Variants in ELOVL2 observed in about 807,000 individuals in gnomAD.
ELOVL2 encodes the protein very long chain fatty acid elongase 2.
A neutral mutation model predicts 37.7 loss-of-function variants in ELOVL2; 38 were observed. The observed-to-expected ratio is 1.01, with a 90% CI of 0.78 to 1.32. The LOEUF (loss-of-function observed/expected upper bound fraction) is 1.32, where lower values mean the gene tolerates loss of function less well. Among genes scored for constraint, ELOVL2 ranks in the 40% most tolerant of loss-of-function variants. The pLI, the probability that ELOVL2 is intolerant of heterozygous loss-of-function variation, is 0.00. For synonymous variants in ELOVL2, 115 were observed against 122.3 expected, an observed-to-expected ratio of 0.94 and a Z score of 0.40; for missense variants, 352 against 363.6, an observed-to-expected ratio of 0.97 and a Z score of 0.26.
chr6:10,987,538 G>A (rs918156766), intron 7 of ELOVL2, among the ~76,000 whole-genome samples: 1 of 151,970 alleles, frequency 6.6e-6, no homozygotes, highest in African/African-American at 2.4e-5. Context: ...CAAAGATTCT[G>A]GTATGTTGTA....
At chr6:11,010,839 T>C (rs777184811) in intron 1 of ELOVL2, 30 bp from the exon 2 acceptor site, 1 of 1,567,618 alleles carries the variant, frequency 6.4e-7, no homozygotes, top group Non-Finnish European at 8.7e-7. Flanking sequence ...ATGATTTAAG[T>C]GTTTTTTTCT....
chr6:11,026,918 G>A lies in ELOVL2; in HGVS notation c.4-16109C>T, dbSNP rs928552915. Among the ~76,000 whole-genome samples, 4 of 152,126 alleles carry A rather than the reference G, an allele frequency of 2.6e-5. No homozygotes were observed. The East Asian group carries it at 7.7e-4, about 29-fold the overall frequency. On this transcript the variant is annotated intron_variant, in intron 1 of 7. Transcript: ENST00000354666. ...TATTTATTTATGGTGCATATGATGT[G>A]AAATATGCATACAGTGTGGAATGGT... is the stretch of plus-strand genomic sequence containing the variant.
At chr6:11,028,455 C>G (rs1434654057) in intron 1 of ELOVL2, among the ~76,000 whole-genome samples, 1 of 152,080 alleles carries the variant, frequency 6.6e-6, no homozygotes, top group Admixed American at 6.6e-5. Flanking sequence ...GAAACTGTCT[C>G]CATCAGAAGA....
intron 3 of ELOVL2, among the ~76,000 whole-genome samples, chr6:11,003,134 C>T (rs746626888): frequency 1.0e-3 from 158 of 152,186 alleles, no homozygotes; most frequent in Non-Finnish European, 3.2e-4. Flanking sequence ...TCTGCTGCTG[C>T]TGTCACTTCT....
In ELOVL2 at chr6:11,044,266, G is replaced by C. The variant is rs1783171626; in HGVS notation, c.-36C>G. On this transcript the variant is annotated 5_prime_UTR_variant, in exon 1 of 8. Transcript: ENST00000354666. The surrounding 1 kb of genome is among the most constrained non-coding windows in gnomAD (Gnocchi z 5.6). The stretch of plus-strand genomic sequence containing the variant: ...GGCTGTGGCGCGGCGACCCGGGCGG[G>C]CGGCGATGCGCTGTCCAGGGTAGCC... 1.4e-5 allele frequency: 18 copies of C among 1,320,206 alleles called. No individual in the cohort carries two copies. The highest frequency in any genetic ancestry group is 1.5e-5 in the Non-Finnish European group (16 of 1,037,316). 81.8% of individuals were successfully genotyped at this position (1,320,206 alleles called of 1,614,324 possible).
chr6:10,989,345 TATGTA>T (rs1176467427), intron 7 of ELOVL2, among the ~76,000 whole-genome samples: 2 of 152,186 alleles, frequency 1.3e-5, no homozygotes, highest in Admixed American at 1.3e-4. Flanking sequence ...ATTAAACAAA[TATGTA>T]ATGTAAAAGT....
At chr6:10,984,007 G>T in intron 7 of ELOVL2, 101 bp from the exon 8 acceptor site, 1 of 1,140,596 alleles carries the variant, frequency 8.8e-7, no homozygotes, top group South Asian at 1.8e-5. Context: ...GATTTTGTTG[G>T]GCGCAGGATT....
intron 3 of ELOVL2, among the ~76,000 whole-genome samples, chr6:11,002,532 A>G (rs895284896): frequency 6.6e-6 from 1 of 152,196 alleles, no homozygotes; most frequent in South Asian, 2.1e-4. Flanking sequence ...CTGGGTGGCA[A>G]TCAATGGTAG....
intron 2 of ELOVL2, among the ~76,000 whole-genome samples, chr6:11,005,783 G>A (rs975800440): frequency 2.0e-5 from 3 of 152,190 alleles, no homozygotes; most frequent in Non-Finnish European, 4.4e-5. Flanking sequence ...AACACTGAAT[G>A]AAAGGGACAA....
At chr6:10,991,238 A>AAAT (rs1227884037) in intron 5 of ELOVL2, among the ~76,000 whole-genome samples, 1 of 152,224 alleles carries the variant, frequency 6.6e-6, no homozygotes, top group Non-Finnish European at 1.5e-5. Context: ...CACTTGTTGG[A>AAAT]AATAAGGAAA....
In ELOVL2 at chr6:10,982,939, C is replaced by A. The variant is rs1781966861; in HGVS notation, c.*842G>T. ...TCAAAGAAAAAGGTCGGAGTGGACT[C>A]CAGTGCTTGCTCAGAAAGTAAACGG... On this transcript the variant is annotated 3_prime_UTR_variant, in exon 8 of 8. Transcript: ENST00000354666. 6.6e-6 allele frequency: 1 copy of A among 152,196 alleles called. No individual in the cohort carries two copies. The highest frequency in any genetic ancestry group is 1.5e-5 in the Non-Finnish European group (1 of 68,056). 9.4% of individuals were successfully genotyped at this position (152,196 alleles called of 1,614,324 possible).
intron 5 of ELOVL2, among the ~76,000 whole-genome samples, chr6:10,994,459 A>T (rs1782226673): frequency 7.3e-6 from 1 of 136,856 alleles, no homozygotes; most frequent in South Asian, 2.6e-4. Context: ...CAAGAGTGAA[A>T]TTCCATCTCA....
chr6:11,032,434 C>G (rs1345658141), intron 1 of ELOVL2, among the ~76,000 whole-genome samples: 1 of 151,640 alleles, frequency 6.6e-6, no homozygotes, highest in Non-Finnish European at 1.5e-5. Context: ...TTTTTCTACT[C>G]TATGTACTAA....
At position 11,032,840 on chromosome 6, in the gene ELOVL2, C is replaced by G. The variant is rs140752219; in HGVS notation, c.3+11388G>C. Among the ~76,000 whole-genome samples the G allele has an allele frequency of 3.5e-4, 54 of 152,256 alleles. 1 individual carries two copies. The South Asian group carries it at 7.9e-3, about 22-fold the overall frequency. ...AGTAACTAATAACATGCAATTGAGA[C>G]GACGCCCTGAAAGTGTTCTATAAAT... On this transcript the variant is annotated intron_variant, in intron 1 of 7. Coordinates refer to ENST00000354666, the MANE Select transcript of ELOVL2 (RefSeq NM_017770.4).
At chr6:11,043,037 C>T (rs1264502467) in intron 1 of ELOVL2, among the ~76,000 whole-genome samples, 7 of 152,064 alleles carry the variant, frequency 4.6e-5, no homozygotes, top group Admixed American at 4.6e-4. Context: ...CAAGAGAAGA[C>T]AAATGAAGCA....
intron 5 of ELOVL2, among the ~76,000 whole-genome samples, chr6:10,991,168 G>C (rs1782152032): frequency 6.6e-6 from 1 of 152,250 alleles, no homozygotes; most frequent in African/African-American, 2.4e-5. Flanking sequence ...CATGTACCAT[G>C]CTGGGTCAGC....
chr6:11,038,465 G>A (rs1783049726), intron 1 of ELOVL2, among the ~76,000 whole-genome samples: 11 of 151,738 alleles, frequency 7.2e-5, no homozygotes, highest in Admixed American at 7.2e-4. Flanking sequence ...TGGTGATGGG[G>A]CAAGACTCCA....
chr6:11,001,331 C>T (rs146459452), intron 3 of ELOVL2, among the ~76,000 whole-genome samples: 1 of 152,054 alleles, frequency 6.6e-6, no homozygotes, highest in Non-Finnish European at 1.5e-5. Flanking sequence ...AGAAGAAAAC[C>T]TTGGGTTTTC....
At chr6:10,990,672 C>CG (rs1554110755) in intron 5 of ELOVL2, among the ~76,000 whole-genome samples, 1 of 108,852 alleles carries the variant, frequency 9.2e-6, no homozygotes, top group Non-Finnish European at 1.9e-5. Context: ...AGAATGCCCC[C>CG]CCCCCGCCAC....
Sources: gnomAD v4.1 joint callset for allele counts (sites outside exome capture counted in the v4.1 genomes callset) on GRCh38, gnomAD v4.1.1 for gene constraint, Gnocchi (gnomAD v3.1) non-coding constraint, MANE v1.5 for transcripts, NCBI Gene and HGNC (gene_info 2026-07-23, HGNC 2026-07-21) for gene names.